The following PKIB variants were observed in gnomAD, a reference collection of about 807,000 sequenced individuals.
PKIB encodes cAMP-dependent protein kinase inhibitor beta.
A neutral mutation model predicts 4.5 loss-of-function variants in PKIB; 2 were observed. The ratio of observed to expected loss-of-function variants is 0.44; its 90% CI spans 0.18 to 1.39. The LOEUF is 1.39. Ranked by LOEUF, PKIB falls within the 40% of genes most tolerant of loss-of-function variation. The pLI is 0.27. For missense variants in PKIB, 94 were observed against 92.6 expected (o/e 1.02, Z -0.06); for synonymous variants, 38 against 36.0 (o/e 1.06, Z -0.20).
intron 1 of PKIB, among the ~76,000 whole-genome samples, chr6:122,613,772 T>C (rs1369939393): frequency 1.3e-5 from 2 of 151,920 alleles, no homozygotes; most frequent in African/African-American, 2.4e-5. Flanking sequence ...GAGACCATCC[T>C]AGCCAACATG....
intron 2 of PKIB, among the ~76,000 whole-genome samples, chr6:122,528,487 G>A (rs917030076): frequency 5.9e-5 from 9 of 152,158 alleles, no homozygotes; most frequent in African/African-American, 2.2e-4. Flanking sequence ...TCCCTGCATG[G>A]TTAGGGTCTG....
At chr6:122,568,896 G>A (rs991338771) in intron 2 of PKIB, among the ~76,000 whole-genome samples, 2 of 151,986 alleles carry the variant, frequency 1.3e-5, no homozygotes, top group Non-Finnish European at 2.9e-5. Flanking sequence ...AGTTCTGTGT[G>A]CAGACTGCCT....
At chr6:122,608,207 C>T (rs924706749), upstream of PKIB, among the ~76,000 whole-genome samples, 3 of 152,136 alleles carry the variant, frequency 2.0e-5, no homozygotes, top group Admixed American at 1.3e-4. Flanking sequence ...CCTTCTTCTC[C>T]CCTCTTTGTC....
At chr6:122,618,631 A>G (rs1775089788) in intron 1 of PKIB, among the ~76,000 whole-genome samples, 1 of 152,060 alleles carries the variant, frequency 6.6e-6, no homozygotes, top group Admixed American at 6.6e-5. Flanking sequence ...AAATTATCAT[A>G]TCATATTCCC....
chr6:122,507,906 T>G (rs1776462652), intron 2 of PKIB, among the ~76,000 whole-genome samples: 1 of 152,138 alleles, frequency 6.6e-6, no homozygotes, highest in African/African-American at 2.4e-5. Context: ...AACCTGATTT[T>G]GGGAGATGTT....
chr6:122,621,319 T>C (rs1775218527), intron 1 of PKIB, among the ~76,000 whole-genome samples: 1 of 152,182 alleles, frequency 6.6e-6, no homozygotes, highest in Non-Finnish European at 1.5e-5. Flanking sequence ...TAAATTATAG[T>C]ATAAATACCT....
At chr6:122,689,473 G>A (rs748707789) in intron 3 of PKIB, among the ~76,000 whole-genome samples, 95 of 151,912 alleles carry the variant, frequency 6.3e-4, no homozygotes, top group Non-Finnish European at 1.2e-3. Context: ...ATTATCATTC[G>A]TTTCAAGAAA....
intron 2 of PKIB, among the ~76,000 whole-genome samples, chr6:122,579,270 A>AAC (rs1326860874): frequency 6.6e-6 from 1 of 152,170 alleles, no homozygotes; most frequent in Non-Finnish European, 1.5e-5. Context: ...GCCCTGACAC[A>AAC]ACACCTGCTT....
intron 2 of PKIB, among the ~76,000 whole-genome samples, chr6:122,546,596 T>G (rs922815780): frequency 2.0e-5 from 3 of 152,132 alleles, no homozygotes; most frequent in Admixed American, 2.0e-4. Flanking sequence ...GTGGACATCA[T>G]GCTTAAACTG....
chr6:122,661,523 C>G (rs1249284462), intron 2 of PKIB, among the ~76,000 whole-genome samples: 1 of 152,164 alleles, frequency 6.6e-6, no homozygotes, highest in Non-Finnish European at 1.5e-5. Flanking sequence ...ATGTATCAAT[C>G]CTTCATTCCT....
In PKIB at chr6:122,671,887, T is replaced by G. The variant is rs887403155; in HGVS notation, c.-75-3191T>G. The stretch of plus-strand genomic sequence containing the variant: ...CTGCTTGAGTAATTAAAACTCAAGT[T>G]AGAAAATATATATTTGGAAGAAAAA... On this transcript the variant is annotated intron_variant, in intron 2 of 4. Transcript: ENST00000368452. Among the ~76,000 whole-genome samples the G allele has an allele frequency of 5.9e-5, 9 of 152,298 alleles. No homozygotes were observed. In the East Asian group the frequency reaches 1.5e-3, roughly 26 times the overall value.
At chr6:122,561,815 T>C (rs181740304) in intron 2 of PKIB, among the ~76,000 whole-genome samples, 1 of 152,112 alleles carries the variant, frequency 6.6e-6, no homozygotes, top group East Asian at 1.9e-4. Context: ...CCTTAAGTAT[T>C]AGGTGAGCCT....
chr6:122,588,278 G>A (rs1773912959), intron 3 of PKIB, among the ~76,000 whole-genome samples: 1 of 152,016 alleles, frequency 6.6e-6, no homozygotes, highest in Non-Finnish European at 1.5e-5. Context: ...TATTAAATAG[G>A]GAATCCTTTT....
chr6:122,598,229 C>T (rs1774238599), intron 3 of PKIB, among the ~76,000 whole-genome samples: 2 of 152,336 alleles, frequency 1.3e-5, no homozygotes, highest in South Asian at 4.1e-4. Context: ...AATTAGTCTT[C>T]TGTCCATTCG....
At chr6:122,716,151 G>A (rs1779483859) in intron 3 of PKIB, among the ~76,000 whole-genome samples, 1 of 152,176 alleles carries the variant, frequency 6.6e-6, no homozygotes. Flanking sequence ...AGAACATTTA[G>A]TGAGATATGA....
chr6:122,551,665 G>A (rs569389791), intron 2 of PKIB, among the ~76,000 whole-genome samples: 3 of 152,186 alleles, frequency 2.0e-5, no homozygotes, highest in South Asian at 2.1e-4. Context: ...TGGAAGCCAC[G>A]AGGAAAGAAT....
intron 2 of PKIB, among the ~76,000 whole-genome samples, chr6:122,542,821 G>T (rs1777649381): frequency 6.6e-6 from 1 of 152,134 alleles, no homozygotes; most frequent in African/African-American, 2.4e-5. Context: ...CAGAGGTGGA[G>T]CCTGCAGAGA....
intron 1 of PKIB, among the ~76,000 whole-genome samples, chr6:122,618,758 T>A (rs1775094946): frequency 6.6e-6 from 1 of 152,096 alleles, no homozygotes; most frequent in African/African-American, 2.4e-5. Context: ...AACAATAGCA[T>A]AGTAGATAAC....
intron 2 of PKIB, among the ~76,000 whole-genome samples, chr6:122,487,205 A>T (rs1775791931): frequency 1.3e-5 from 2 of 152,230 alleles, no homozygotes; most frequent in Non-Finnish European, 2.9e-5. Flanking sequence ...CCAATAGAGG[A>T]TTATGTGTTG....
Sources: gnomAD v4.1 joint callset for allele counts (sites outside exome capture counted in the v4.1 genomes callset) on GRCh38, gnomAD v4.1.1 for gene constraint, MANE v1.5 for transcripts, NCBI Gene and HGNC (gene_info 2026-07-23, HGNC 2026-07-21) for gene names.